PRKCB: variants seen among roughly 807,000 people sequenced by gnomAD.
PRKCB encodes the protein protein kinase C beta type.
Under a neutral mutation model 81.5 loss-of-function variants are expected in PRKCB, and 13 were observed. The observed-to-expected ratio is 0.16, with a 90% CI of 0.10 to 0.25. The LOEUF is 0.25. Ranked by LOEUF, PRKCB falls within the 10% of genes least tolerant of loss-of-function variation. The pLI, the probability that PRKCB is intolerant of heterozygous loss-of-function variation, is 1.00. For missense variants in PRKCB, 509 were observed against 875.7 expected, an observed-to-expected ratio of 0.58 and a Z score of 5.29; for synonymous variants, 335 against 321.4, an observed-to-expected ratio of 1.04 and a Z score of -0.45.
rs575873657 is a variant in PRKCB, at chr16:24,040,458, T to C, written c.529+4911T>C. Among the ~76,000 whole-genome samples, 262 of 152,344 alleles carry C rather than the reference T, an allele frequency of 1.7e-3. 4 individuals are homozygous for C. The highest frequency in any genetic ancestry group is 6.1e-3 in the African/African-American group (252 of 41,578). ...TAATAAGCTTCCTCCAACTTCCCCC[T>C]TTCGTAGACACTCATGGTAACCTGA... On this transcript the variant is annotated intron_variant, in intron 5 of 16. Transcript: ENST00000643927.
intron 2 of PRKCB, among the ~76,000 whole-genome samples, chr16:23,850,104 TA>T (rs1243121639): frequency 1.3e-5 from 2 of 152,224 alleles, no homozygotes; most frequent in African/African-American, 4.8e-5. Context: ...TTACTTAGCA[TA>T]ATGTCCTCCA....
chr16:24,212,461 CTTTTTTTTTTTTTTTT>C (rs975667798), intron 16 of PRKCB, among the ~76,000 whole-genome samples: 4 of 78,062 alleles, frequency 5.1e-5, no homozygotes, highest in Admixed American at 2.8e-4. Flanking sequence ...CTTTTTTTTC[CTTTTTTTTTTTTTTTT>C]TTTTTTTTTT....
rs866617382 is a variant in PRKCB at position 23,910,001 on chromosome 16, C to T, written c.205+72595C>T. Among the ~76,000 whole-genome samples, 29 of 152,280 alleles carry T rather than the reference C, an allele frequency of 1.9e-4. No homozygotes were observed. In the South Asian group the frequency reaches 2.5e-3, roughly 13 times the overall value. ...CCAATTAATCTGTAGAGGACAAACA[C>T]GTTCAGTCCATAGCAGGAAGCAGTG... On this transcript the variant is annotated intron_variant, in intron 2 of 16. Transcript: ENST00000643927.
chr16:23,936,652 C>T (rs1404477648), intron 2 of PRKCB, among the ~76,000 whole-genome samples: 2 of 140,080 alleles, frequency 1.4e-5, no homozygotes, highest in East Asian at 2.2e-4. Flanking sequence ...AGGCTGGTCT[C>T]GAACTCAAGC....
chr16:23,902,756 TCCTTCCTTCCTTCCTTCCTTCCTTCCTC>T (rs1963498102), intron 2 of PRKCB, among the ~76,000 whole-genome samples: 1 of 38,424 alleles, frequency 2.6e-5, no homozygotes, highest in African/African-American at 1.2e-4. Context: ...CTTCCTTCCT[TCCTTCCTTCCTTCCTTCCTTCCTTCCTC>T]CCTCCCTCCC....
intron 3 of PRKCB, among the ~76,000 whole-genome samples, chr16:24,002,241 A>G (rs1313505300): frequency 2.6e-5 from 4 of 151,952 alleles, no homozygotes; most frequent in Non-Finnish European, 5.9e-5. Context: ...TTCCTCCACC[A>G]GGCTAGCTTA....
At chr16:24,146,962 A>T (rs903978018) in intron 9 of PRKCB, among the ~76,000 whole-genome samples, 9 of 152,088 alleles carry the variant, frequency 5.9e-5, no homozygotes, top group Non-Finnish European at 1.2e-4. Flanking sequence ...CGTGGGCATC[A>T]CCAGCCAGGG....
intron 5 of PRKCB, among the ~76,000 whole-genome samples, chr16:24,079,148 C>A (rs1396565284): frequency 6.6e-6 from 1 of 152,224 alleles, no homozygotes; most frequent in Non-Finnish European, 1.5e-5. Flanking sequence ...CTCCCCCGCC[C>A]TTAAGAAGGT....
At chr16:23,986,623 C>G (rs538410736) in intron 2 of PRKCB, among the ~76,000 whole-genome samples, 1 of 152,240 alleles carries the variant, frequency 6.6e-6, no homozygotes, top group East Asian at 1.9e-4. Flanking sequence ...TGCAATTTCT[C>G]AATATCAATA....
At chr16:24,072,042 C>G (rs146684286) in intron 5 of PRKCB, among the ~76,000 whole-genome samples, 2 of 151,858 alleles carry the variant, frequency 1.3e-5, no homozygotes, top group African/African-American at 4.8e-5. Context: ...ACCCCACCCC[C>G]GCCTTTTGTT....
In PRKCB at chr16:23,838,046, A is replaced by G. The variant is rs112820398; in HGVS notation, c.205+640A>G. On this transcript the variant is annotated intron_variant, in intron 2 of 16. Transcript: ENST00000643927. ...TGGCTTGAGATCCTGGACTCTAACC[A>G]GGGGTATCAAACCTGCTGGTGGTGA... Among the ~76,000 whole-genome samples the G allele has an allele frequency of 1.8e-3, 274 of 152,340 alleles. 2 individuals are homozygous for G. Among genetic ancestry groups the G allele is most frequent in the African/African-American group, 5.8e-3 (242 of 41,582 alleles).
intron 5 of PRKCB, among the ~76,000 whole-genome samples, chr16:24,070,048 G>A (rs937764579): frequency 6.6e-6 from 1 of 152,192 alleles, no homozygotes; most frequent in Non-Finnish European, 1.5e-5. Flanking sequence ...TGCCAGACAC[G>A]AGTGCAAGGT....
intron 2 of PRKCB, among the ~76,000 whole-genome samples, chr16:23,884,266 C>T (rs1963165943): frequency 6.6e-6 from 1 of 152,188 alleles, no homozygotes; most frequent in Non-Finnish European, 1.5e-5. Flanking sequence ...TGCATCCACC[C>T]CCAATGATGA....
chr16:24,083,960 G>A (rs751344596), intron 5 of PRKCB, among the ~76,000 whole-genome samples: 2 of 151,958 alleles, frequency 1.3e-5, no homozygotes, highest in Admixed American at 6.6e-5. Flanking sequence ...AGAGGGAGAT[G>A]GATAAGAGGA....
chr16:24,054,468 T>C (rs1341108809), intron 5 of PRKCB, among the ~76,000 whole-genome samples: 1 of 152,240 alleles, frequency 6.6e-6, no homozygotes, highest in East Asian at 1.9e-4. Flanking sequence ...CAGATTCATA[T>C]AGCTGATAAG....
Position 23,938,366 on chromosome 16 carries a change from A to G in PRKCB, c.206-50142A>G, listed in dbSNP as rs567292568. ...CCACCACTGAAAAAGTTAATTGAAGATGTACTCTGATTGAGAGCAGATCCA... is the reference window on the plus strand; with the variant it reads ...CCACCACTGAAAAAGTTAATTGAAGGTGTACTCTGATTGAGAGCAGATCCA... On this transcript the variant is annotated intron_variant, in intron 2 of 16. Transcript: ENST00000643927. Among the ~76,000 whole-genome samples the G allele has an allele frequency of 3.2e-4, 48 of 152,338 alleles. No homozygotes were observed. In the South Asian group the frequency reaches 8.9e-3, roughly 28 times the overall value.
intron 8 of PRKCB, among the ~76,000 whole-genome samples, chr16:24,122,796 TA>T (rs1029746377): frequency 6.6e-6 from 1 of 152,184 alleles, no homozygotes; most frequent in African/African-American, 2.4e-5. Flanking sequence ...TTCTCTCTGC[TA>T]AACGTGAATC....
chr16:24,007,707 T>A (rs1450538415), intron 3 of PRKCB, among the ~76,000 whole-genome samples: 2 of 152,162 alleles, frequency 1.3e-5, no homozygotes, highest in Non-Finnish European at 2.9e-5. Flanking sequence ...ATGCGTCCCA[T>A]CTATAAATTA....
chr16:24,205,259 C>T (rs1290574058), intron 16 of PRKCB, among the ~76,000 whole-genome samples: 2 of 151,178 alleles, frequency 1.3e-5, no homozygotes, highest in African/African-American at 2.4e-5. Flanking sequence ...CAAGGGATTC[C>T]CCGTGCCTCA....
Sources: gnomAD v4.1 joint callset for allele counts (sites outside exome capture counted in the v4.1 genomes callset) on GRCh38, gnomAD v4.1.1 for gene constraint, MANE v1.5 for transcripts, NCBI Gene and HGNC (gene_info 2026-07-23, HGNC 2026-07-21) for gene names.